The following LHX3 variants were observed in gnomAD, a reference collection of about 807,000 sequenced individuals.
The protein encoded by LHX3 is LIM homeobox 3, also known as LIM/homeobox protein Lhx3.
In LHX3, 21 loss-of-function variants were observed where a neutral mutation model predicts 32.4. The ratio of observed to expected loss-of-function variants is 0.65; its 90% confidence interval spans 0.46 to 0.93. LHX3 has a LOEUF of 0.93. Among genes scored for constraint, LHX3 ranks in the 40% least tolerant of loss-of-function variants. The pLI, the probability that LHX3 is intolerant of heterozygous loss-of-function variation, is 0.00. For synonymous variants in LHX3, 258 were observed against 246.8 expected (o/e 1.05, Z -0.43); for missense variants, 626 against 560.0 (o/e 1.12, Z -1.19).
intron 1 of LHX3, chr9:136,202,972 A>T (rs1478359555): frequency 6.5e-7 from 1 of 1,529,904 alleles, no homozygotes; most frequent in Admixed American, 2.0e-5. Flanking sequence ...CCTCCGCGCC[A>T]GCAGTGCTAG....
At chr9:136,198,626 C>CCG (rs1831552453) in intron 5 of LHX3, 26 bp downstream of exon 5, 1 of 1,560,270 alleles carries the variant, frequency 6.4e-7, no homozygotes, top group Non-Finnish European at 8.6e-7. Context: ...TCGTCCCCCC[C>CCG]CGAGCTCCGC....
intron 1 of LHX3, chr9:136,203,261 A>T (rs945962959): frequency 1.6e-5 from 7 of 442,058 alleles, no homozygotes; most frequent in East Asian, 1.5e-4. Flanking sequence ...CGCGGAGACC[A>T]GCCCGGGCCA....
rs774240648 is a variant in LHX3 at position 136,197,384 on chromosome 9, G to A, written c.1135C>T (p.Pro379Ser). The change falls in exon 6 of 6, where the codon CCC becomes TCC. Residue 379 changes from proline (P) to serine (S), a missense_variant. Transcript: ENST00000371748. ...GAGGCGGGGCTGGCAGGGAAGTCGGGGTAACCCCCGCTGCTCCCCGTGGAT... is the reference window on the plus strand; with the variant it reads ...GAGGCGGGGCTGGCAGGGAAGTCGGAGTAACCCCCGCTGCTCCCCGTGGAT... ...DLSTGSSGGYPDFPASPASWL... is the reference protein window; with the variant it reads ...DLSTGSSGGYSDFPASPASWL... The A allele has an allele frequency of 3.1e-6, 5 of 1,611,576 alleles. No individual in the cohort carries two copies. In the African/African-American group the frequency reaches 4.0e-5, roughly 13 times the overall value.
chr9:136,201,235 G>T (rs1027627114), intron 1 of LHX3: 2 of 1,274,112 alleles, frequency 1.6e-6, no homozygotes, highest in African/African-American at 1.5e-5. Flanking sequence ...GGGACTCCTC[G>T]CAAATGTGGC....
intron 4 of LHX3, 31 bp downstream of exon 4, chr9:136,198,877 G>C (rs1364615329): frequency 8.2e-6 from 13 of 1,591,490 alleles, no homozygotes; most frequent in East Asian, 2.2e-5. Flanking sequence ...CCAAGGCCGC[G>C]GGCGGGAGGG....
At position 136,199,749 on chromosome 9, in the gene LHX3, C is replaced by T. The variant is rs146827257; in HGVS notation, c.383G>A (p.Gly128Asp). 2.1e-4 allele frequency: 344 copies of T among 1,612,788 alleles called. 1 individual carries two copies. Among genetic ancestry groups the T allele is most frequent in the Non-Finnish European group, 2.3e-4 (273 of 1,179,930 alleles). ...CVVCKRQLAT[G>D]DEFYLMEDSR... ...GTCCTCCATGAGGTAGAACTCGTCG[C>T]CCGTGGCCAGCTGCCGCTTGCACAC... Residue 128 changes from glycine to aspartate, a missense_variant, in exon 3 of 6, where the codon GGC becomes GAC. Gly to Asp is a moderately conservative substitution (Grantham distance 94). Transcript: ENST00000371748.
chr9:136,199,251 G>C lies in LHX3; in HGVS notation c.455-192C>G, dbSNP rs1040719865. On this transcript the variant is annotated intron_variant, in intron 3 of 5. Transcript: ENST00000371748. ...CGGGCAGCACCCGGGCTGGGGTGGAGGGGGCGCCGGCGGAGGGCGGGTTCT... is the reference window on the plus strand; with the variant it reads ...CGGGCAGCACCCGGGCTGGGGTGGACGGGGCGCCGGCGGAGGGCGGGTTCT... Among the ~76,000 whole-genome samples the C allele has an allele frequency of 3.9e-5, 6 of 152,180 alleles. No individual in the cohort carries two copies. In the East Asian group the frequency reaches 1.2e-3, roughly 30 times the overall value.
rs1213402782 is a variant in LHX3 at position 136,197,542 on chromosome 9, C to A, written c.977G>T (p.Ser326Ile). 1 of 1,528,094 alleles carries A rather than the reference C, an allele frequency of 6.5e-7. No individual in the cohort carries two copies. 94.7% of individuals were successfully genotyped at this position (1,528,094 alleles called of 1,614,324 possible). Reference protein sequence around the residue: ...GVPPSPAAPQSLPGPQPLLSS... With the variant: ...GVPPSPAAPQILPGPQPLLSS... ...GAGGAGGGGCTGGGGGCCAGGGAGG[C>A]TCTGCGGGGCGGCGGGGGATGGGGG... Residue 326 changes from serine to isoleucine, a missense_variant, in exon 6 of 6, where the codon AGC becomes ATC. Ser to Ile is a moderately radical substitution (Grantham distance 142, BLOSUM62 -2). Transcript: ENST00000371748.
intron 1 of LHX3, 64 bp downstream of exon 1, chr9:136,204,870 A>C (rs1831720006): frequency 7.4e-7 from 1 of 1,358,182 alleles, no homozygotes; most frequent in African/African-American, 1.4e-5. Context: ...CCCTGCACGC[A>C]CCCCCTTCCT....
intron 3 of LHX3, among the ~76,000 whole-genome samples, chr9:136,199,422 G>A (rs1831581501): frequency 6.6e-6 from 1 of 152,226 alleles, no homozygotes; most frequent in Non-Finnish European, 1.5e-5. Flanking sequence ...AGCCTTCGCG[G>A]CCAAGAATTT....
intron 1 of LHX3, chr9:136,201,158 C>G: frequency 7.3e-7 from 1 of 1,376,032 alleles, no homozygotes; most frequent in Non-Finnish European, 9.3e-7. Flanking sequence ...CGGGTCTTCA[C>G]CATCACCTGG....
chr9:136,199,631 A>T (rs756731649), intron 3 of LHX3, 47 bp downstream of exon 3: 74 of 1,602,408 alleles, frequency 4.6e-5, no homozygotes, highest in Non-Finnish European at 5.8e-5. Flanking sequence ...CCTCAGCCCC[A>T]TTTTTTTCAG....
Position 136,197,699 on chromosome 9 carries a change from C to T in LHX3, c.820G>A (p.Gly274Arg), listed in dbSNP as rs988843937. The change falls in exon 6 of 6, where the codon GGG (glycine) becomes AGG (arginine). Residue 274 changes from glycine (G) to arginine (R), a missense_variant. Transcript: ENST00000371748. ...AEMGPANGLY[G>R]SLGEPTQALG... ...GCCTGGGTGGGTTCCCCCAAGCTCC[C>T]GTAGAGGCCATTGGCCGGGCCCATT... is the stretch of plus-strand genomic sequence containing the variant. The T allele has an allele frequency of 3.1e-6, 5 of 1,606,574 alleles. No homozygotes were observed. The African/African-American group carries it at 4.0e-5, about 13-fold the overall frequency.
chr9:136,197,904 C>A (rs12379555), intron 5 of LHX3, among the ~76,000 whole-genome samples, 161 bp from the exon 6 acceptor site: 16 of 152,088 alleles, frequency 1.1e-4, no homozygotes, highest in African/African-American at 3.9e-4. Flanking sequence ...AGCATGGCTG[C>A]CCCTGCCCCT....
intron 5 of LHX3, 26 bp downstream of exon 5, chr9:136,198,626 C>CG (rs768065671): frequency 2.8e-5 from 44 of 1,560,154 alleles, no homozygotes; most frequent in Non-Finnish European, 3.0e-5. Context: ...TCGTCCCCCC[C>CG]CGAGCTCCGC....
chr9:136,197,730 C>T lies in LHX3; in HGVS notation c.789G>A (p.Leu263=). 6.2e-7 allele frequency: 1 copy of T among 1,602,574 alleles called. No individual in the cohort carries two copies. The highest frequency in any genetic ancestry group is 8.5e-7 in the Non-Finnish European group (1 of 1,179,782). ...AEVSFPDEPS[L]AEMGPANGLY... is the part of the protein sequence containing the mutation. ...GGCCATTGGCCGGGCCCATTTCCGC[C>T]AAGGAAGGCTCATCTGCAACAGAAG... Residue 263 remains leucine, a synonymous_variant, in exon 6 of 6, where the codon TTG becomes TTA. Coordinates refer to ENST00000371748, the MANE Select transcript of LHX3 (RefSeq NM_178138.6).
chr9:136,197,747 C>T lies in LHX3; in HGVS notation c.776-4G>A, dbSNP rs1216733343. The T allele has an allele frequency of 6.2e-7, 1 of 1,600,240 alleles. No homozygotes were observed. Among genetic ancestry groups the T allele is most frequent in the East Asian group, 2.2e-5 (1 of 44,886 alleles). On this transcript the variant is annotated splice_region_variant and splice_polypyrimidine_tract_variant and intron_variant, in intron 5 of 5. Transcript: ENST00000371748. ...ATTTCCGCCAAGGAAGGCTCATCTG[C>T]AACAGAAGCAGAGGCTCAGTCAGCG...
At position 136,197,270 on chromosome 9, in the gene LHX3, C is replaced by T. The variant is rs543364659; in HGVS notation, c.*55G>A. 1.1e-4 allele frequency: 177 copies of T among 1,584,094 alleles called. 1 individual carries two copies. In the East Asian group the frequency reaches 3.5e-3, roughly 31 times the overall value. ...CTCGGAAACCCCAGCAGCCCCGAGC[C>T]GCCCACCCAGGGGCAGCTCCCTCGT... On this transcript the variant is annotated 3_prime_UTR_variant, in exon 6 of 6. Coordinates refer to ENST00000371748, the MANE Select transcript of LHX3 (RefSeq NM_178138.6).
In LHX3 at chr9:136,197,756, C is replaced by A. The variant is rs1831533638; in HGVS notation, c.776-13G>T. The A allele has an allele frequency of 1.3e-6, 2 of 1,599,212 alleles. No homozygotes were observed. The highest frequency in any genetic ancestry group is 1.7e-6 in the Non-Finnish European group (2 of 1,179,552). On this transcript the variant is annotated splice_polypyrimidine_tract_variant and intron_variant, in intron 5 of 5. Coordinates refer to ENST00000371748, the MANE Select transcript of LHX3 (RefSeq NM_178138.6). ...AAGGAAGGCTCATCTGCAACAGAAG[C>A]AGAGGCTCAGTCAGCGCCTGCCCTC...
Sources: allele counts gnomAD v4.1 joint callset (sites outside exome capture counted in the v4.1 genomes callset), GRCh38; gene constraint gnomAD v4.1.1; transcripts MANE v1.5; gene names NCBI Gene and HGNC (gene_info 2026-07-23, HGNC 2026-07-21).